The following TUSC3 variants were observed in gnomAD, a reference collection of about 807,000 sequenced individuals.
TUSC3 encodes the protein dolichyl-diphosphooligosaccharide--protein glycosyltransferase subunit TUSC3.
A neutral mutation model predicts 44.8 loss-of-function variants in TUSC3; 45 were observed. The observed-to-expected ratio is 1.00, with a 90% confidence interval of 0.79 to 1.29. TUSC3 has a LOEUF of 1.29. Among genes scored for constraint, TUSC3 ranks in the 50% most tolerant of loss-of-function variants. The probability of loss-of-function intolerance (pLI) is 0.00; values close to 1 mark genes in which losing one functional copy is unlikely to be tolerated. For missense variants in TUSC3, 519 were observed against 437.9 expected (o/e 1.19, Z -1.65); for synonymous variants, 212 against 152.9 (o/e 1.39, Z -2.85).
intron 6 of TUSC3, among the ~76,000 whole-genome samples, chr8:15,729,916 A>G (rs1014060740): frequency 5.3e-5 from 8 of 151,912 alleles, no homozygotes; most frequent in East Asian, 1.9e-4. Flanking sequence ...ATGTGATACA[A>G]TTATACATCA....
At chr8:15,713,809 T>TC (rs1261003240) in intron 6 of TUSC3, among the ~76,000 whole-genome samples, 7 of 152,100 alleles carry the variant, frequency 4.6e-5, no homozygotes, top group Non-Finnish European at 8.8e-5. Flanking sequence ...TATTCTGAGG[T>TC]ACTGGGGGTT....
At chr8:15,809,804 A>C in the TUSC3 span, among the ~76,000 whole-genome samples, 1 of 152,324 alleles carries the variant, frequency 6.6e-6, no homozygotes, top group South Asian at 2.1e-4. Context: ...AACAGTTCTC[A>C]ACATTTGGCT....
intron 1 of TUSC3, among the ~76,000 whole-genome samples, chr8:15,446,903 A>C (rs1197265662): frequency 2.8e-5 from 1 of 35,974 alleles, no homozygotes; most frequent in Non-Finnish European, 1.8e-4. Context: ...GGTAACAGAA[A>C]AAAAAACAAA....
chr8:15,624,777 G>A (rs1012427719), intron 2 of TUSC3, among the ~76,000 whole-genome samples: 5 of 152,014 alleles, frequency 3.3e-5, no homozygotes, highest in African/African-American at 1.2e-4. Context: ...CAGGTCTTTT[G>A]CAGGTTTTAA....
chr8:15,840,597 A>T, the TUSC3 span, among the ~76,000 whole-genome samples: 1 of 152,152 alleles, frequency 6.6e-6, no homozygotes, highest in East Asian at 1.9e-4. Flanking sequence ...TAGGTTTCTA[A>T]TTTCTGAAGT....
At chr8:15,444,048 C>T (rs935213330) in intron 1 of TUSC3, among the ~76,000 whole-genome samples, 3 of 152,178 alleles carry the variant, frequency 2.0e-5, no homozygotes, top group Non-Finnish European at 4.4e-5. Flanking sequence ...CCTGGTCTCC[C>T]ACAGAACCAG....
intron 2 of TUSC3, among the ~76,000 whole-genome samples, chr8:15,635,072 C>A (rs1323596881): frequency 6.6e-6 from 1 of 151,678 alleles, no homozygotes; most frequent in South Asian, 2.1e-4. Context: ...TTTTTTCCCC[C>A]CAAAGGTAGG....
chr8:15,512,864 A>ATC (rs1563270829), intron 2 of TUSC3, among the ~76,000 whole-genome samples: 1 of 82,822 alleles, frequency 1.2e-5, no homozygotes, highest in East Asian at 4.5e-4. Flanking sequence ...GTGTATATAT[A>ATC]TGTGTGTGTA....
chr8:15,485,863 C>T (rs979434121), intron 2 of TUSC3, among the ~76,000 whole-genome samples: 2 of 152,046 alleles, frequency 1.3e-5, no homozygotes, highest in Non-Finnish European at 2.9e-5. Flanking sequence ...TGCGATGTCA[C>T]CTCACTGCAA....
chr8:15,417,929 G>A (rs771252936), intron 1 of TUSC3, among the ~76,000 whole-genome samples: 3 of 152,170 alleles, frequency 2.0e-5, no homozygotes, highest in Non-Finnish European at 4.4e-5. Context: ...TTAATGAGAT[G>A]TGGGAAAGTT....
the TUSC3 span, among the ~76,000 whole-genome samples, chr8:15,776,179 G>A: frequency 6.6e-6 from 1 of 152,056 alleles, no homozygotes; most frequent in African/African-American, 2.4e-5. Flanking sequence ...AGCTGATTAT[G>A]AACAAGATTC....
intron 7 of TUSC3, among the ~76,000 whole-genome samples, chr8:15,738,235 G>T (rs1811018957): frequency 1.3e-5 from 2 of 152,156 alleles, no homozygotes; most frequent in African/African-American, 4.8e-5. Context: ...TATAACCTAT[G>T]TCTAGTAATC....
chr8:15,534,439 C>T (rs935159172), intron 2 of TUSC3, among the ~76,000 whole-genome samples: 17 of 151,818 alleles, frequency 1.1e-4, no homozygotes, highest in East Asian at 5.8e-4. Context: ...GTCAGAAGAT[C>T]GAGACCATCC....
chr8:15,845,619 G>A, the TUSC3 span, among the ~76,000 whole-genome samples: 1 of 152,108 alleles, frequency 6.6e-6, no homozygotes, highest in Admixed American at 6.5e-5. Flanking sequence ...TGGGACCCCT[G>A]AAACAACTGA....
intron 2 of TUSC3, among the ~76,000 whole-genome samples, chr8:15,508,856 G>T (rs1422897066): frequency 6.6e-6 from 1 of 152,222 alleles, no homozygotes. Context: ...TACTCACTCT[G>T]TCAACAGCTT....
At chr8:15,702,403 A>G (rs1809444109) in intron 6 of TUSC3, among the ~76,000 whole-genome samples, 1 of 152,190 alleles carries the variant, frequency 6.6e-6, no homozygotes, top group African/African-American at 2.4e-5. Flanking sequence ...TGTTTCATAT[A>G]TGGAGCTGAA....
chr8:15,770,055 A>G (rs1216996936), downstream of TUSC3, among the ~76,000 whole-genome samples: 1 of 152,188 alleles, frequency 6.6e-6, no homozygotes, highest in Non-Finnish European at 1.5e-5. Flanking sequence ...CAGCAATCCC[A>G]TTACTGGGTA....
At chr8:15,705,870 C>G (rs1809595010) in intron 6 of TUSC3, among the ~76,000 whole-genome samples, 2 of 152,062 alleles carry the variant, frequency 1.3e-5, no homozygotes, top group Non-Finnish European at 2.9e-5. Flanking sequence ...TCAGATAAAA[C>G]TGTGCCGCCT....
At chr8:15,519,685 C>G (rs943740504) in intron 2 of TUSC3, among the ~76,000 whole-genome samples, 2 of 152,166 alleles carry the variant, frequency 1.3e-5, no homozygotes, top group Non-Finnish European at 2.9e-5. Context: ...TCCCCACCAT[C>G]CGTGGGAAAA....
Sources: allele counts gnomAD v4.1 joint callset (sites outside exome capture counted in the v4.1 genomes callset), GRCh38; gene constraint gnomAD v4.1.1; transcripts MANE v1.5; gene names NCBI Gene and HGNC (gene_info 2026-07-23, HGNC 2026-07-21).